The following CNTN1 variants were observed in gnomAD, a reference collection of about 807,000 sequenced individuals.
The protein encoded by CNTN1 is contactin 1.
Under a neutral mutation model 126.4 loss-of-function variants are expected in CNTN1, and 38 were observed. That is an observed-to-expected ratio of 0.30 (90% CI 0.23 to 0.39). The LOEUF (loss-of-function observed/expected upper bound fraction) is 0.39. CNTN1 is among the 10% of genes least tolerant of loss of function. CNTN1 has a pLI of 1.00. For missense variants in CNTN1, 1,009 were observed against 1,248.4 expected, an observed-to-expected ratio of 0.81 and a Z score of 2.89; for synonymous variants, 413 against 422.6, an observed-to-expected ratio of 0.98 and a Z score of 0.28.
chr12:40,980,835 C>T, intron 15 of CNTN1, 74 bp from the exon 16 acceptor site: 2 of 1,363,220 alleles, frequency 1.5e-6, no homozygotes, highest in Non-Finnish European at 1.0e-6. Flanking sequence ...GGTTAGAAGA[C>T]ATTTTTATAT....
rs1018457346 is a variant in CNTN1 at position 41,025,392 on chromosome 12, T to C, written c.2710+56T>C. Reference sequence around the variant, plus strand: ...CAAAAACTACCACTGGATTCAATCATGATACGAATATATTTGAAGGAAATT... The same window carrying C: ...CAAAAACTACCACTGGATTCAATCACGATACGAATATATTTGAAGGAAATT... On this transcript the variant is annotated intron_variant, in intron 21 of 23. Coordinates refer to ENST00000551295, the MANE Select transcript of CNTN1 (RefSeq NM_001843.4). 4.1e-5 allele frequency: 63 copies of C among 1,544,476 alleles called. 1 individual carries two copies. Among genetic ancestry groups the C allele is most frequent in the South Asian group, 8.9e-5 (8 of 89,474 alleles).
intron 1 of CNTN1, among the ~76,000 whole-genome samples, chr12:40,795,631 A>G (rs1026352292): frequency 9.2e-5 from 14 of 152,216 alleles, no homozygotes; most frequent in African/African-American, 2.9e-4. Context: ...TTAAAAACTA[A>G]TAAATGGAAT....
chr12:40,922,576 A>T (rs1362518465), intron 5 of CNTN1, 148 bp downstream of exon 5: 1 of 730,716 alleles, frequency 1.4e-6, no homozygotes, highest in Admixed American at 2.0e-5. Flanking sequence ...AATGGAGACA[A>T]CAAAGCACCA....
At chr12:40,733,656 A>T (rs1005234478) in intron 1 of CNTN1, among the ~76,000 whole-genome samples, 16 of 152,008 alleles carry the variant, frequency 1.1e-4, no homozygotes, top group African/African-American at 3.6e-4. Context: ...GAATATTTCC[A>T]ATTTGATAAA....
In CNTN1 at chr12:40,918,710, T is replaced by A. The variant is rs1945331039; in HGVS notation, c.166T>A (p.Ser56Thr). ...AATCAATACCATTTATCCAGAGGAA[T>A]CACTGGAAGGAAAAGTCTCACTCAA... is the stretch of plus-strand genomic sequence containing the variant. ...QPINTIYPEE[S>T]LEGKVSLNCR... Residue 56 changes from serine (S) to threonine (T), a missense_variant, in exon 4 of 24, where the codon TCA (serine) becomes ACA (threonine). Physicochemically the swap from Ser to Thr is moderately conservative, Grantham distance 58. Coordinates refer to ENST00000551295, the MANE Select transcript of CNTN1 (RefSeq NM_001843.4). 1 of 1,612,818 alleles carries A rather than the reference T, an allele frequency of 6.2e-7. No homozygotes were observed. The highest frequency in any genetic ancestry group is 1.7e-5 in the Admixed American group (1 of 59,966).
intron 23 of CNTN1, among the ~76,000 whole-genome samples, chr12:41,057,092 A>AAATATTTAGATATTTATAAATATTTAT: frequency 8.1e-6 from 1 of 122,842 alleles, no homozygotes; most frequent in East Asian, 2.1e-4. Context: ...TAAATATTAT[A>AAATATTTAGATATTTATAAATATTTAT]AATATTTAGA....
At chr12:40,935,947 A>G (rs1946065475) in intron 9 of CNTN1, among the ~76,000 whole-genome samples, 1 of 152,080 alleles carries the variant, frequency 6.6e-6, no homozygotes, top group African/African-American at 2.4e-5. Context: ...TAAAATTAAC[A>G]CAAGTTCCCA....
At chr12:40,833,148 G>A (rs1033536213) in intron 1 of CNTN1, among the ~76,000 whole-genome samples, 58 of 152,016 alleles carry the variant, frequency 3.8e-4, no homozygotes, top group South Asian at 8.3e-4. Flanking sequence ...CTCCTGGAGT[G>A]CAATGGTGCA....
chr12:40,804,808 T>A (rs773416175), intron 1 of CNTN1, among the ~76,000 whole-genome samples: 1 of 152,096 alleles, frequency 6.6e-6, no homozygotes, highest in Admixed American at 6.6e-5. Flanking sequence ...AATTTTAATA[T>A]TACTTGTAAA....
At chr12:40,759,484 T>A (rs576488808) in intron 1 of CNTN1, among the ~76,000 whole-genome samples, 1 of 151,544 alleles carries the variant, frequency 6.6e-6, no homozygotes, top group Admixed American at 6.6e-5. Flanking sequence ...TTCTCTTTTT[T>A]AGACAGGGTC....
intron 1 of CNTN1, among the ~76,000 whole-genome samples, chr12:40,794,414 C>T (rs1008325542): frequency 2.7e-5 from 4 of 150,254 alleles, no homozygotes; most frequent in African/African-American, 9.8e-5. Flanking sequence ...ATAGCCTGCC[C>T]CTTGAATTTA....
At chr12:40,854,516 C>T (rs1942828827) in intron 1 of CNTN1, among the ~76,000 whole-genome samples, 1 of 151,940 alleles carries the variant, frequency 6.6e-6, no homozygotes, top group South Asian at 2.1e-4. Context: ...GACTCTGTGT[C>T]TCTAAACTTG....
intron 1 of CNTN1, among the ~76,000 whole-genome samples, chr12:40,839,053 T>C (rs1649014264): frequency 6.6e-6 from 1 of 151,894 alleles, no homozygotes; most frequent in Non-Finnish European, 1.5e-5. Flanking sequence ...GAATGAGAAA[T>C]TTACCAAAGA....
intron 20 of CNTN1, among the ~76,000 whole-genome samples, chr12:41,024,344 T>G (rs1169099377): frequency 6.6e-6 from 1 of 152,040 alleles, no homozygotes; most frequent in Non-Finnish European, 1.5e-5. Context: ...ATTCTTATAT[T>G]ACATATAACA....
chr12:40,968,508 TA>T (rs1234217401), intron 15 of CNTN1, among the ~76,000 whole-genome samples: 3 of 152,298 alleles, frequency 2.0e-5, no homozygotes, highest in East Asian at 3.9e-4. Flanking sequence ...CTCTTTGGCC[TA>T]AAAATAGGTA....
chr12:40,919,946 A>G (rs980317544), intron 4 of CNTN1, among the ~76,000 whole-genome samples: 1 of 152,212 alleles, frequency 6.6e-6, no homozygotes, highest in Non-Finnish European at 1.5e-5. Context: ...TAGAACTAAT[A>G]GGATCTGTAG....
intron 1 of CNTN1, among the ~76,000 whole-genome samples, chr12:40,787,133 G>A (rs1940052940): frequency 6.6e-6 from 1 of 152,078 alleles, no homozygotes; most frequent in Non-Finnish European, 1.5e-5. Flanking sequence ...TTTAGAAGTT[G>A]TAAGTATAAA....
chr12:40,933,113 T>G (rs1184508894), intron 7 of CNTN1, among the ~76,000 whole-genome samples: 1 of 152,006 alleles, frequency 6.6e-6, no homozygotes, highest in Middle Eastern at 3.4e-3. Flanking sequence ...TTCTTCTCTT[T>G]CCTTCTCCCT....
rs148248045 is a variant in CNTN1 at position 40,815,153 on chromosome 12, G to T, written c.-76-93204G>T. On this transcript the variant is annotated intron_variant, in intron 1 of 23. Coordinates refer to ENST00000551295, the MANE Select transcript of CNTN1 (RefSeq NM_001843.4). ...TTTGAGGTCTTCTTAGATTCCATAT[G>T]AAATTTAAAATAGTATTTTTCTAAT... 3.7e-3 allele frequency among the ~76,000 whole-genome samples: 563 copies of T among 152,196 alleles called. 5 individuals carry two copies. The highest frequency in any genetic ancestry group is 0.013 in the African/African-American group (539 of 41,528).
Sources: allele counts gnomAD v4.1 joint callset (sites outside exome capture counted in the v4.1 genomes callset), GRCh38; gene constraint gnomAD v4.1.1; transcripts MANE v1.5; gene names NCBI Gene and HGNC (gene_info 2026-07-23, HGNC 2026-07-21).